Variants in SLC3A1 observed in about 807,000 individuals in gnomAD.
SLC3A1 encodes the protein solute carrier family 3 member 1.
In SLC3A1, 78 loss-of-function variants were observed where a neutral mutation model predicts 60.3. The ratio of observed to expected loss-of-function variants is 1.29; its 90% confidence interval spans 1.08 to 1.56. SLC3A1 has a LOEUF of 1.56. Ranked by LOEUF, SLC3A1 falls within the 40% of genes most tolerant of loss-of-function variation. SLC3A1 has a pLI of 0.00. For synonymous variants in SLC3A1, 392 were observed against 307.9 expected, an observed-to-expected ratio of 1.27 and a Z score of -2.86; for missense variants, 1,172 against 858.9, an observed-to-expected ratio of 1.36 and a Z score of -4.56.
At chr2:44,290,495 T>C (rs764158505) in intron 4 of SLC3A1, among the ~76,000 whole-genome samples, 2 of 152,218 alleles carry the variant, frequency 1.3e-5, no homozygotes, top group Non-Finnish European at 2.9e-5. Flanking sequence ...AGGGATTGCA[T>C]TGAATCTGTG....
intron 3 of SLC3A1, chr2:44,285,642 G>C (rs1337436513): frequency 6.3e-6 from 3 of 478,500 alleles, no homozygotes; most frequent in Admixed American, 4.7e-5. Flanking sequence ...GCTCCAAGAT[G>C]AGCGGAATGT....
At chr2:44,303,611 G>A (rs1362183607) in intron 6 of SLC3A1, among the ~76,000 whole-genome samples, 1 of 151,790 alleles carries the variant, frequency 6.6e-6, no homozygotes, top group African/African-American at 2.4e-5. Flanking sequence ...TTTTAGTTCT[G>A]GGGTACATGT....
At chr2:44,301,165 T>TA in intron 6 of SLC3A1, 38 bp downstream of exon 6, 1 of 1,613,810 alleles carries the variant, frequency 6.2e-7, no homozygotes, top group Non-Finnish European at 8.5e-7. Context: ...TTCCCAGGCT[T>TA]AGTGTGTGAT....
At chr2:44,296,652 G>T (rs1671854499) in intron 4 of SLC3A1, among the ~76,000 whole-genome samples, 1 of 152,192 alleles carries the variant, frequency 6.6e-6, no homozygotes, top group Non-Finnish European at 1.5e-5. Context: ...CTTGCATTTA[G>T]CTGTTGAGAC....
chr2:44,316,734 C>T (rs1672473341), intron 9 of SLC3A1, among the ~76,000 whole-genome samples: 3 of 152,198 alleles, frequency 2.0e-5, no homozygotes, highest in Admixed American at 1.3e-4. Flanking sequence ...TTGGATACTA[C>T]ACCACATTAG....
chr2:44,321,595 T>G, downstream of SLC3A1: 2 of 1,485,274 alleles, frequency 1.3e-6, no homozygotes, highest in Non-Finnish European at 1.8e-6. Flanking sequence ...GGCAGAAGGC[T>G]TCCAACAATT....
At chr2:44,308,934 G>C (rs967836841) in intron 7 of SLC3A1, among the ~76,000 whole-genome samples, 2 of 151,978 alleles carry the variant, frequency 1.3e-5, no homozygotes, top group Non-Finnish European at 2.9e-5. Flanking sequence ...GGGTTTCACC[G>C]TGTTAGCCAA....
intron 3 of SLC3A1, among the ~76,000 whole-genome samples, chr2:44,284,430 G>A (rs895070321): frequency 7.9e-5 from 12 of 152,070 alleles, no homozygotes; most frequent in African/African-American, 2.7e-4. Flanking sequence ...GCAGGATATC[G>A]CATGCTCAGC....
chr2:44,316,619 CAGGT>C (rs1672468076), intron 9 of SLC3A1, among the ~76,000 whole-genome samples: 1 of 152,146 alleles, frequency 6.6e-6, no homozygotes, highest in Admixed American at 6.5e-5. Context: ...TCTTTCAGAA[CAGGT>C]AGGATAAAGA....
At chr2:44,294,490 G>T (rs1274509588) in intron 4 of SLC3A1, among the ~76,000 whole-genome samples, 1 of 147,382 alleles carries the variant, frequency 6.8e-6, no homozygotes, top group Non-Finnish European at 1.5e-5. Flanking sequence ...GTGACAGAGT[G>T]AGACTCCATC....
At chr2:44,287,078 CT>C (rs1671634712) in intron 4 of SLC3A1, among the ~76,000 whole-genome samples, 1 of 152,126 alleles carries the variant, frequency 6.6e-6, no homozygotes, top group South Asian at 2.1e-4. Context: ...ATATTGCCTA[CT>C]CCGTGCCAGG....
chr2:44,304,970 T>C (rs1045557849), intron 7 of SLC3A1, among the ~76,000 whole-genome samples: 7 of 151,614 alleles, frequency 4.6e-5, no homozygotes, highest in East Asian at 3.9e-4. Context: ...TACAGGTGCA[T>C]GCCACCATGG....
At chr2:44,305,960 T>G (rs1672144642) in intron 7 of SLC3A1, among the ~76,000 whole-genome samples, 1 of 152,066 alleles carries the variant, frequency 6.6e-6, no homozygotes, top group Admixed American at 6.6e-5. Flanking sequence ...TCCACACAAT[T>G]CCACGATGTC....
chr2:44,304,398 T>A (rs1291072833), intron 7 of SLC3A1, 60 bp downstream of exon 7: 6 of 1,315,930 alleles, frequency 4.6e-6, no homozygotes, highest in Middle Eastern at 3.8e-4. Flanking sequence ...TGTCCAGTTA[T>A]CTCTAAAATG....
chr2:44,312,330 A>G (rs928438704), intron 7 of SLC3A1, among the ~76,000 whole-genome samples: 3 of 152,164 alleles, frequency 2.0e-5, no homozygotes, highest in African/African-American at 7.2e-5. Context: ...AAATATGACT[A>G]TGTACCCTCT....
At chr2:44,281,751 G>A (rs1671505216) in intron 3 of SLC3A1, among the ~76,000 whole-genome samples, 1 of 152,186 alleles carries the variant, frequency 6.6e-6, no homozygotes, top group Non-Finnish European at 1.5e-5. Context: ...TCATAGAGAT[G>A]ATGTGTTCTA....
At position 44,281,442 on chromosome 2, in the gene SLC3A1, G is replaced by C; in HGVS notation, c.666G>C (p.Trp222Cys). Residue 222 changes from tryptophan (W) to cysteine (C), a missense_variant, in exon 3 of 10, where the codon TGG becomes TGC. Transcript: ENST00000260649. The stretch of plus-strand genomic sequence containing the variant: ...ACCACACGAGTGATAAACATATTTG[G>C]TTTCAATTGAGTCGGACACGGACAG... ...IPNHTSDKHI[W>C]FQLSRTRTGK... is the part of the protein sequence containing the mutation. 1 of 1,613,572 alleles carries C rather than the reference G, an allele frequency of 6.2e-7. No homozygotes were observed. The highest frequency in any genetic ancestry group is 8.5e-7 in the Non-Finnish European group (1 of 1,179,550).
chr2:44,304,849 G>C (rs1017929284), intron 7 of SLC3A1, among the ~76,000 whole-genome samples: 6 of 138,118 alleles, frequency 4.3e-5, no homozygotes, highest in African/African-American at 1.6e-4. Context: ...TTGAGACAGG[G>C]GCTCACTCTG....
chr2:44,297,440 A>C (rs1319891555), intron 4 of SLC3A1, among the ~76,000 whole-genome samples: 1 of 152,056 alleles, frequency 6.6e-6, no homozygotes, highest in Non-Finnish European at 1.5e-5. Context: ...CCTCCATTGA[A>C]ATCCCACCAG....
Sources: gnomAD v4.1 joint callset for allele counts (sites outside exome capture counted in the v4.1 genomes callset) on GRCh38, gnomAD v4.1.1 for gene constraint, MANE v1.5 for transcripts, NCBI Gene and HGNC (gene_info 2026-07-23, HGNC 2026-07-21) for gene names.